MET: variants seen among roughly 807,000 people sequenced by gnomAD.
MET encodes MET proto-oncogene, receptor tyrosine kinase.
A neutral mutation model predicts 133.1 loss-of-function variants in MET; 48 were observed. The observed-to-expected ratio is 0.36, with a 90% confidence interval of 0.29 to 0.46. MET has a LOEUF of 0.46. MET is among the 20% of genes least tolerant of loss of function. MET has a pLI of 1.00. For missense variants in MET, 1,442 were observed against 1,695.9 expected, an observed-to-expected ratio of 0.85 and a Z score of 2.63; for synonymous variants, 628 against 616.5, an observed-to-expected ratio of 1.02 and a Z score of -0.28.
intron 1 of MET, among the ~76,000 whole-genome samples, chr7:116,678,530 AT>A (rs1310747650): frequency 6.6e-6 from 1 of 152,222 alleles, no homozygotes; most frequent in East Asian, 1.9e-4. Context: ...AAAGAAAGAC[AT>A]TCAAAGCTGA....
chr7:116,716,485 GAAAGAAAGAAAGA>G (rs1208457980), intron 2 of MET, among the ~76,000 whole-genome samples: 2 of 135,808 alleles, frequency 1.5e-5, no homozygotes, highest in African/African-American at 5.7e-5. Flanking sequence ...AAGAAAGAAA[GAAAGAAAGAAAGA>G]AAGAAAGAAA....
rs200023903 is a variant in MET at position 116,699,284 on chromosome 7, C to A, written c.200C>A (p.Thr67Asn). The A allele has an allele frequency of 3.1e-6, 5 of 1,613,910 alleles. No individual in the cohort carries two copies. The South Asian group carries it at 3.3e-5, about 11-fold the overall frequency. The part of the protein sequence containing the change: ...LHEHHIFLGA[T>N]NYIYVLNEED... ...GAGCATCACATTTTCCTTGGTGCCA[C>A]TAACTACATTTATGTTTTAAATGAG... is the stretch of plus-strand genomic sequence containing the variant. The change falls in exon 2 of 21, where the codon ACT becomes AAT. Residue 67 changes from threonine to asparagine, a missense_variant. Physicochemically the swap from Thr to Asn is moderately conservative, Grantham distance 65 (BLOSUM62 0). Transcript: ENST00000397752.
In MET at chr7:116,763,074, G is replaced by A. The variant is rs1307693651; in HGVS notation, c.2389G>A (p.Glu797Lys). ...GGCATGTCAACATCGCTCTAATTCA[G>A]AGATAATCTGTTGTACCACTCCTTC... ...TVACQHRSNS[E>K]IICCTTPSLQ... The change falls in exon 11 of 21, where the codon GAG (glutamate) becomes AAG (lysine). Residue 797 changes from glutamate to lysine, a missense_variant. Glu to Lys is a moderately conservative substitution (Grantham distance 56, BLOSUM62 1). Around this residue, in one of 6 missense-constraint regions of MET, gnomAD observed 514 missense variants for 659.6 expected, o/e 0.78. Coordinates refer to ENST00000397752, the MANE Select transcript of MET (RefSeq NM_000245.4). 1.2e-6 allele frequency: 2 copies of A among 1,613,986 alleles called. No homozygotes were observed. The highest frequency in any genetic ancestry group is 4.5e-5 in the East Asian group (2 of 44,862).
chr7:116,704,058 A>G (rs949001695), intron 2 of MET, among the ~76,000 whole-genome samples: 1 of 152,140 alleles, frequency 6.6e-6, no homozygotes, highest in Non-Finnish European at 1.5e-5. Context: ...GGGGAAAAGC[A>G]TTTGGTGCCA....
intron 3 of MET, among the ~76,000 whole-genome samples, chr7:116,737,188 C>T (rs949628131): frequency 1.3e-5 from 2 of 152,182 alleles, no homozygotes; most frequent in African/African-American, 4.8e-5. Context: ...CCTGTCTTCT[C>T]ATCTTCATCC....
At chr7:116,759,684 A>G in intron 10 of MET, 194 bp downstream of exon 10, 1 of 648,682 alleles carries the variant, frequency 1.5e-6, no homozygotes, top group Non-Finnish European at 2.8e-6. Context: ...TGTGGAAAAA[A>G]TACATACACA....
chr7:116,759,742 T>C (rs1042862349), intron 10 of MET: 1 of 480,082 alleles, frequency 2.1e-6, no homozygotes, highest in Middle Eastern at 5.5e-4. Context: ...GATTACCAAT[T>C]TGAGACAGTG....
chr7:116,761,432 A>G (rs910541035), intron 10 of MET, among the ~76,000 whole-genome samples: 11 of 152,176 alleles, frequency 7.2e-5, no homozygotes, highest in African/African-American at 2.4e-4. Context: ...CTTGCCACTT[A>G]TAGAATTTAA....
intron 10 of MET, among the ~76,000 whole-genome samples, chr7:116,760,666 A>G (rs1794366070): frequency 6.6e-6 from 1 of 152,214 alleles, no homozygotes; most frequent in African/African-American, 2.4e-5. Flanking sequence ...CTTTAATTAC[A>G]AAAACCAATT....
At chr7:116,673,081 G>T (rs1796030687) in intron 1 of MET, among the ~76,000 whole-genome samples, 1 of 152,072 alleles carries the variant, frequency 6.6e-6, no homozygotes, top group Non-Finnish European at 1.5e-5. Context: ...ATTTTCCATC[G>T]TACCTTATCT....
chr7:116,734,013 T>C (rs901378121), intron 3 of MET, among the ~76,000 whole-genome samples: 9 of 152,204 alleles, frequency 5.9e-5, no homozygotes, highest in African/African-American at 2.2e-4. Context: ...CTGAAGTCCA[T>C]ATATTTACAG....
rs778884266 is a variant in MET, at chr7:116,795,941, T to C, written c.3990T>C (p.Phe1330=). The part of the protein sequence containing the change: ...WHPKAEMRPS[F]SELVSRISAI... Reference sequence around the variant, plus strand: ...CTAAAGCCGAAATGCGCCCATCCTTTTCTGAACTGGTGTCCCGGATATCAG... The same window carrying C: ...CTAAAGCCGAAATGCGCCCATCCTTCTCTGAACTGGTGTCCCGGATATCAG... Residue 1330 remains phenylalanine (F), a synonymous_variant, in exon 21 of 21, where the codon TTT becomes TTC. Transcript: ENST00000397752. 1 of 1,614,226 alleles carries C rather than the reference T, an allele frequency of 6.2e-7. No homozygotes were observed. The highest frequency in any genetic ancestry group is 1.1e-5 in the South Asian group (1 of 91,082).
At chr7:116,756,464 CT>C (rs1217942331) in intron 6 of MET, among the ~76,000 whole-genome samples, 1 of 152,124 alleles carries the variant, frequency 6.6e-6, no homozygotes, top group Non-Finnish European at 1.5e-5. Context: ...TATTTGTTAG[CT>C]GAATGGCAAA....
intron 12 of MET, 65 bp downstream of exon 12, chr7:116,769,856 G>A (rs892289772): frequency 9.3e-6 from 15 of 1,607,402 alleles, no homozygotes; most frequent in Non-Finnish European, 1.3e-5. Flanking sequence ...TTATTCTCAG[G>A]CTTAAAATAA....
intron 15 of MET, among the ~76,000 whole-genome samples, chr7:116,775,541 T>TA (rs112890288): frequency 3.3e-5 from 5 of 151,984 alleles, no homozygotes; most frequent in African/African-American, 9.6e-5. Context: ...CCGTCTCTAC[T>TA]AAAAAAATAC....
chr7:116,724,894 C>T, intron 2 of MET: 12 of 1,262,504 alleles, frequency 9.5e-6, no homozygotes, highest in Non-Finnish European at 1.1e-5. Flanking sequence ...GCTTCTTGTT[C>T]TGAGATTCCA....
chr7:116,767,988 G>A (rs1369508214), intron 11 of MET, among the ~76,000 whole-genome samples: 3 of 150,298 alleles, frequency 2.0e-5, no homozygotes, highest in Non-Finnish European at 4.4e-5. Flanking sequence ...GTGTGTGTGT[G>A]TGTGTGTGTG....
At chr7:116,732,600 T>C (rs560026608) in intron 3 of MET, among the ~76,000 whole-genome samples, 107 of 152,280 alleles carry the variant, frequency 7.0e-4, no homozygotes, top group Non-Finnish European at 1.3e-3. Context: ...GAGGAAAGAA[T>C]GACAATAGCA....
chr7:116,758,422 A>C, intron 8 of MET, 37 bp from the exon 9 acceptor site: 1 of 1,586,462 alleles, frequency 6.3e-7, no homozygotes, highest in Non-Finnish European at 8.7e-7. Context: ...TGTATCTCTA[A>C]TAGCTAAAAT....
Sources: allele counts gnomAD v4.1 joint callset (sites outside exome capture counted in the v4.1 genomes callset), GRCh38; gene constraint gnomAD v4.1.1; regional missense constraint gnomAD v4.1.1; transcripts MANE v1.5; gene names NCBI Gene and HGNC (gene_info 2026-07-23, HGNC 2026-07-21).